Variants in PCDH20 observed in about 807,000 individuals in gnomAD.
The protein encoded by PCDH20 is protocadherin-20.
A neutral mutation model predicts 39.7 loss-of-function variants in PCDH20; 18 were observed. The ratio of observed to expected loss-of-function variants is 0.45; its 90% confidence interval spans 0.31 to 0.67. The LOEUF is 0.67. PCDH20 is among the 30% of genes least tolerant of loss of function. The pLI is 0.05. For synonymous variants in PCDH20, 495 were observed against 455.4 expected (o/e 1.09, Z -1.11); for missense variants, 1,161 against 1,167.4 (o/e 0.99, Z 0.08).
At chr13:61,413,689 G>T (rs762269041) in exon 2 of PCDH20, 2 of 1,614,100 alleles carry the variant, frequency 1.2e-6, no homozygotes, top group South Asian at 2.2e-5. Flanking sequence ...CAGCTCCCCA[G>T]AGCGGTTGTC....
chr13:61,411,895 A>G (rs1878253325), exon 2 of PCDH20: 1 of 1,614,144 alleles, frequency 6.2e-7, no homozygotes, highest in East Asian at 2.2e-5. Context: ...GTTGTCATTG[A>G]TATCTAGAAG....
chr13:61,411,973 G>A (rs766645035), exon 2 of PCDH20: 16 of 1,614,034 alleles, frequency 9.9e-6, no homozygotes, highest in South Asian at 7.7e-5. Flanking sequence ...AACCCACAAA[G>A]TATAGGAGCT....
exon 2 of PCDH20, chr13:61,412,533 T>C (rs774713426): frequency 6.2e-7 from 1 of 1,614,234 alleles, no homozygotes; most frequent in South Asian, 1.1e-5. Flanking sequence ...AAAGTTGCAC[T>C]TTAATGACCC....
rs1398443348 is a variant in PCDH20, at chr13:61,412,157, C to CA, written c.1941dup (p.Val648CysfsTer3). 6.2e-7 allele frequency: 1 copy of CA among 1,614,082 alleles called. No homozygotes were observed. The stretch of plus-strand genomic sequence containing the variant: ...CCATAGCCTGGAAAGTTTTCAGGCA[C>CA]AAAAAAGCTGAAGTCCTTGTTGATA... On this transcript the variant is annotated frameshift_variant, in exon 2 of 2. Coordinates refer to ENST00000409204, the Ensembl canonical transcript of PCDH20. LOFTEE classifies it low-confidence loss of function (END_TRUNC).
At chr13:61,415,002 G>A in intron 1 of PCDH20, 25 bp downstream of exon 1, 1 of 1,394,500 alleles carries the variant, frequency 7.2e-7, no homozygotes, top group Non-Finnish European at 9.4e-7. Flanking sequence ...TCGGGGTCGC[G>A]GGGTTCCTTG....
At chr13:61,415,407 G>A (rs3812876) in exon 1 of PCDH20, 119,620 of 383,952 alleles carry the variant, frequency 0.31, 19,246 homozygotes, top group East Asian at 0.46. Flanking sequence ...TGAAGACTGC[G>A]AAGAGGCAGC....
exon 1 of PCDH20, chr13:61,415,179 G>C (rs764850174): frequency 3.6e-6 from 5 of 1,395,572 alleles, no homozygotes; most frequent in Non-Finnish European, 3.8e-6. Context: ...GCTGCAGTCA[G>C]AGCGCTCTTG....
chr13:61,415,848 T>C (rs1871538226), upstream of PCDH20: 1 of 152,248 alleles, frequency 6.6e-6, no homozygotes, highest in Non-Finnish European at 1.5e-5. Context: ...CTCTGGGTGT[T>C]TGCCTTGTGG....
chr13:61,413,653 C>T (rs926204245), exon 2 of PCDH20: 5 of 1,614,180 alleles, frequency 3.1e-6, no homozygotes, highest in Non-Finnish European at 4.2e-6. Context: ...CAGGGCCTCC[C>T]TGTCGATCTC....
chr13:61,412,550 C>T, exon 2 of PCDH20: 1 of 1,614,064 alleles, frequency 6.2e-7, no homozygotes, highest in East Asian at 2.2e-5. Flanking sequence ...ACCCTTTTGA[C>T]ATGAAATCCC....
intron 1 of PCDH20, 28 bp downstream of exon 1, chr13:61,414,999 C>A: frequency 7.2e-6 from 10 of 1,390,974 alleles, no homozygotes; most frequent in South Asian, 1.7e-5. Flanking sequence ...TTGTCGGGGT[C>A]GCGGGGTTCC....
chr13:61,415,476 A>C, exon 1 of PCDH20: 1 of 260,070 alleles, frequency 3.8e-6, no homozygotes, highest in Middle Eastern at 1.1e-3. Context: ...CACCAGTCAG[A>C]TGCCAAGTCC....
chr13:61,413,371 C>T lies in PCDH20; in HGVS notation c.728G>A (p.Gly243Glu), dbSNP rs202142023. 31 of 1,613,914 alleles carry T rather than the reference C, an allele frequency of 1.9e-5. No individual in the cohort carries two copies. The highest frequency in any genetic ancestry group is 2.6e-5 in the Non-Finnish European group (31 of 1,180,022). Reference sequence around the variant, plus strand: ...GTCCAGTAAGCGATAGGTCTGTACCCCATTAATGCCTACATCTGGGTCCAC... The same window carrying T: ...GTCCAGTAAGCGATAGGTCTGTACCTCATTAATGCCTACATCTGGGTCCAC... The change falls in exon 2 of 2, where the codon GGG (glycine) becomes GAG (glutamate). Residue 243 changes from glycine (G) to glutamate (E), a missense_variant. Around this residue, in one of 3 missense-constraint regions of PCDH20, gnomAD observed 401 missense variants for 368.7 expected, o/e 1.09. Transcript: ENST00000409204.
chr13:61,414,361 G>C (rs990967166), intron 1 of PCDH20, among the ~76,000 whole-genome samples: 2 of 152,078 alleles, frequency 1.3e-5, no homozygotes, highest in African/African-American at 4.8e-5. Flanking sequence ...GAGGGGGCTG[G>C]TAGTAGAGAG....
At chr13:61,412,111 A>G in exon 2 of PCDH20, 15 of 1,614,148 alleles carry the variant, frequency 9.3e-6, no homozygotes, top group Non-Finnish European at 1.2e-5. Flanking sequence ...AGCATCTGTT[A>G]CACTAATTAC....
chr13:61,413,600 A>G (rs771750945), exon 2 of PCDH20: 2 of 1,614,194 alleles, frequency 1.2e-6, no homozygotes, highest in South Asian at 2.2e-5. Flanking sequence ...GAGGAGATGG[A>G]AACGCTGCCG....
chr13:61,412,398 T>C, exon 2 of PCDH20: 1 of 1,614,208 alleles, frequency 6.2e-7, no homozygotes, highest in Non-Finnish European at 8.5e-7. Context: ...AAACTTGGCC[T>C]CTCTCCTCGC....
chr13:61,413,816 A>G lies in PCDH20; in HGVS notation c.283T>C (p.Ser95Pro), dbSNP rs766421301. ...GACTGCGGGTCCGGCCTCCCTGCAGACCTGGGCAGCAGCCGCAGGTCCTCG... is the reference window on the plus strand; with the variant it reads ...GACTGCGGGTCCGGCCTCCCTGCAGGCCTGGGCAGCAGCCGCAGGTCCTCG... The change falls in exon 2 of 2, where the codon TCT (serine) becomes CCT (proline). Residue 95 changes from serine (S) to proline (P), a missense_variant. Ser to Pro is a moderately conservative substitution (Grantham distance 74). This residue lies in a region of PCDH20 where 401 missense variants were observed against 368.7 expected (regional missense o/e 1.09). Coordinates refer to ENST00000409204, the Ensembl canonical transcript of PCDH20. The G allele has an allele frequency of 5.0e-6, 8 of 1,612,754 alleles. No homozygotes were observed. In the South Asian group the frequency reaches 5.5e-5, roughly 11 times the overall value.
At chr13:61,415,069 A>G in exon 1 of PCDH20, 1 of 1,574,348 alleles carries the variant, frequency 6.4e-7, no homozygotes, top group Non-Finnish European at 8.6e-7. Context: ...GACGATGTAG[A>G]CGCCCCATAT....
Sources: allele counts gnomAD v4.1 joint callset (sites outside exome capture counted in the v4.1 genomes callset), GRCh38; gene constraint gnomAD v4.1.1; regional missense constraint gnomAD v4.1.1; transcripts MANE v1.5; gene names NCBI Gene and HGNC (gene_info 2026-07-23, HGNC 2026-07-21).